The following LMOD1 variants were observed in gnomAD, a reference collection of about 807,000 sequenced individuals.
LMOD1 encodes leiomodin-1.
A neutral mutation model predicts 36.5 loss-of-function variants in LMOD1; 8 were observed. The ratio of observed to expected loss-of-function variants is 0.22; its 90% CI spans 0.13 to 0.40. The LOEUF is 0.40. LMOD1 is among the 10% of genes least tolerant of loss of function. LMOD1 has a pLI of 1.00. For missense variants in LMOD1, 630 were observed against 751.1 expected, an observed-to-expected ratio of 0.84 and a Z score of 1.88; for synonymous variants, 284 against 288.7, an observed-to-expected ratio of 0.98 and a Z score of 0.17.
chr1:201,909,222 C>T (rs1179593482), intron 1 of LMOD1, among the ~76,000 whole-genome samples: 1 of 152,162 alleles, frequency 6.6e-6, no homozygotes, highest in Non-Finnish European at 1.5e-5. Flanking sequence ...CAGGAGCCAA[C>T]CCACTTGTGA....
intron 1 of LMOD1, among the ~76,000 whole-genome samples, chr1:201,918,329 C>T (rs4950743): frequency 0.67 from 101,691 of 152,088 alleles, 34,684 homozygotes; most frequent in East Asian, 0.9. Flanking sequence ...CCACTGAACC[C>T]CCTGCCTCCT....
chr1:201,917,517 A>G (rs1201305985), intron 1 of LMOD1, among the ~76,000 whole-genome samples: 1 of 152,212 alleles, frequency 6.6e-6, no homozygotes, highest in Non-Finnish European at 1.5e-5. Context: ...TTCTCGGCCA[A>G]TGAAGGGTCA....
chr1:201,944,186 T>C (rs1682165304), intron 1 of LMOD1, among the ~76,000 whole-genome samples: 2 of 152,172 alleles, frequency 1.3e-5, no homozygotes, highest in African/African-American at 4.8e-5. Context: ...CCACTTCTAT[T>C]TCTTGACTCG....
chr1:201,916,793 C>T (rs1681619881), intron 1 of LMOD1, among the ~76,000 whole-genome samples: 1 of 152,118 alleles, frequency 6.6e-6, no homozygotes, highest in Admixed American at 6.5e-5. Flanking sequence ...AGCAATTACA[C>T]ATCAGCCCCG....
rs1278368265 is a variant in LMOD1 at position 201,946,151 on chromosome 1, T to C, written c.190A>G (p.Asn64Asp). The change falls in exon 1 of 3, where the codon AAC (asparagine) becomes GAC (aspartate). Residue 64 changes from asparagine (N) to aspartate (D), a missense_variant. Coordinates refer to ENST00000367288, the MANE Select transcript of LMOD1 (RefSeq NM_012134.3). ...QTEKQSTGVY[N>D]REAMLNFCEK... ...CAGAAGTTGAGCATGGCCTCCCGGT[T>C]GTACACACCCGTGGACTGTTTCTCC... 1 of 1,614,038 alleles carries C rather than the reference T, an allele frequency of 6.2e-7. No homozygotes were observed. The highest frequency in any genetic ancestry group is 8.5e-7 in the Non-Finnish European group (1 of 1,179,892).
At chr1:201,938,419 G>A (rs565698869) in intron 1 of LMOD1, among the ~76,000 whole-genome samples, 4 of 152,236 alleles carry the variant, frequency 2.6e-5, no homozygotes, top group South Asian at 2.1e-4. Flanking sequence ...ATGAGACACC[G>A]CGCCCGGCCG....
intron 2 of LMOD1, among the ~76,000 whole-genome samples, chr1:201,898,696 T>C (rs893921576): frequency 6.6e-6 from 1 of 152,160 alleles, no homozygotes; most frequent in African/African-American, 2.4e-5. Flanking sequence ...AGGCCAGACT[T>C]CCAGGGGAGG....
intron 1 of LMOD1, among the ~76,000 whole-genome samples, chr1:201,934,466 GCCCC>G (rs1485538359): frequency 6.6e-6 from 1 of 151,932 alleles, no homozygotes; most frequent in Non-Finnish European, 1.5e-5. Flanking sequence ...ATCCCTTTTT[GCCCC>G]CTTCACTGGT....
At chr1:201,920,805 G>C (rs2102919971) in intron 1 of LMOD1, among the ~76,000 whole-genome samples, 1 of 152,184 alleles carries the variant, frequency 6.6e-6, no homozygotes, top group Admixed American at 6.5e-5. Flanking sequence ...AAGGCAGGAG[G>C]CTTGCTTGAG....
chr1:201,901,630 G>A (rs6660698), intron 1 of LMOD1, among the ~76,000 whole-genome samples: 128 of 1,852 alleles, frequency 0.069, 9 homozygotes, highest in Middle Eastern at 0.5. Context: ...ATGTGTGTGT[G>A]TATATATATA....
intron 1 of LMOD1, among the ~76,000 whole-genome samples, chr1:201,944,672 T>C (rs1459092680): frequency 6.7e-6 from 1 of 148,556 alleles, no homozygotes; most frequent in African/African-American, 2.5e-5. Context: ...CCTCCTGGCT[T>C]CCCTCCTTCC....
chr1:201,900,777 T>C, intron 1 of LMOD1, 26 bp from the exon 2 acceptor site: 4 of 1,553,818 alleles, frequency 2.6e-6, no homozygotes, highest in Non-Finnish European at 3.5e-6. Context: ...AGAAAAATAA[T>C]CATGAAAAGC....
intron 1 of LMOD1, among the ~76,000 whole-genome samples, chr1:201,928,627 C>T (rs1438434043): frequency 6.6e-6 from 1 of 152,214 alleles, no homozygotes; most frequent in African/African-American, 2.4e-5. Context: ...GGCAATGCTG[C>T]TGAACTTCTC....
chr1:201,920,691 G>A (rs1486683089), intron 1 of LMOD1, among the ~76,000 whole-genome samples: 4 of 152,168 alleles, frequency 2.6e-5, no homozygotes, highest in East Asian at 3.9e-4. Context: ...AAATCAAGGA[G>A]GCCAAGTGGC....
chr1:201,907,145 A>G (rs1057155812), intron 1 of LMOD1, among the ~76,000 whole-genome samples: 1 of 152,248 alleles, frequency 6.6e-6, no homozygotes, highest in Non-Finnish European at 1.5e-5. Context: ...AGTTCTGCCC[A>G]TAGTGGCATA....
chr1:201,918,825 G>T (rs1681651231), intron 1 of LMOD1, among the ~76,000 whole-genome samples: 1 of 152,082 alleles, frequency 6.6e-6, no homozygotes, highest in African/African-American at 2.4e-5. Context: ...ACCCATTTTT[G>T]TCACAATCTC....
At chr1:201,922,251 G>A (rs1681718511) in intron 1 of LMOD1, among the ~76,000 whole-genome samples, 1 of 152,106 alleles carries the variant, frequency 6.6e-6, no homozygotes, top group Non-Finnish European at 1.5e-5. Flanking sequence ...ACAGACCCAA[G>A]AGAATTGAAA....
chr1:201,897,073 C>CA lies in LMOD1; in HGVS notation c.*1298dup, dbSNP rs1681207944. 3.7e-6 allele frequency: 1 copy of CA among 271,674 alleles called. No homozygotes were observed. The highest frequency in any genetic ancestry group is 2.2e-5 in the African/African-American group (1 of 45,492). The allele number at this position is 271,674 out of a possible 1,614,324, so 16.8% of individuals were successfully genotyped here. A position where few individuals can be genotyped will look rare whatever the true frequency, so the allele number is the denominator to read the frequency against. On this transcript the variant is annotated 3_prime_UTR_variant, in exon 3 of 3. Coordinates refer to ENST00000367288, the MANE Select transcript of LMOD1 (RefSeq NM_012134.3). ...CCTTTCACCTACACCCGATGGTGGG[C>CA]ATGGCAGCATTGTCAGCATTCCTGC...
At chr1:201,924,545 GAAGC>G (rs1347099559) in intron 1 of LMOD1, among the ~76,000 whole-genome samples, 2 of 109,396 alleles carry the variant, frequency 1.8e-5, no homozygotes, top group Non-Finnish European at 1.9e-5. Context: ...AGGAAGGAAG[GAAGC>G]AAGGAAGGAG....
Sources: allele counts gnomAD v4.1 joint callset (sites outside exome capture counted in the v4.1 genomes callset), GRCh38; gene constraint gnomAD v4.1.1; transcripts MANE v1.5; gene names NCBI Gene and HGNC (gene_info 2026-07-23, HGNC 2026-07-21).